Variants in VWA8 observed in about 807,000 individuals in gnomAD.
The protein encoded by VWA8 is von Willebrand factor A domain containing 8.
In VWA8, 221 loss-of-function variants were observed where a neutral mutation model predicts 241.5. The observed-to-expected ratio is 0.91, with a 90% confidence interval of 0.82 to 1.02. VWA8 has a LOEUF of 1.02. VWA8 is among the 50% of genes least tolerant of loss of function. The pLI is 0.00. For missense variants in VWA8, 2,322 were observed against 2,328.7 expected (o/e 1.00, Z 0.06); for synonymous variants, 852 against 827.1 (o/e 1.03, Z -0.52).
chr13:41,926,830 A>G, intron 2 of VWA8: 1 of 565,558 alleles, frequency 1.8e-6, no homozygotes, highest in Non-Finnish European at 3.6e-6. Flanking sequence ...TTTGAAACTG[A>G]TGAAACTTGC....
Position 41,671,114 on chromosome 13 carries a change from C to T in VWA8, c.4443G>A (p.Leu1481=). ...GTGCATCTGTGTCTGAAATGGTCGACAGCCATGTGGTATACGGCGAGAGAG... is the reference window on the plus strand; with the variant it reads ...GTGCATCTGTGTCTGAAATGGTCGATAGCCATGTGGTATACGGCGAGAGAG... ...SESLSPYTTW[L]STISDTDALL... Residue 1481 remains leucine, a synonymous_variant, in exon 37 of 45, where the codon CTG becomes CTA. Coordinates refer to ENST00000379310, the MANE Select transcript of VWA8 (RefSeq NM_015058.2). 2 of 1,613,890 alleles carry T rather than the reference C, an allele frequency of 1.2e-6. No individual in the cohort carries two copies. Among genetic ancestry groups the T allele is most frequent in the Non-Finnish European group, 1.7e-6 (2 of 1,179,830 alleles).
chr13:41,805,679 T>C (rs868857009), intron 17 of VWA8, among the ~76,000 whole-genome samples: 11 of 152,094 alleles, frequency 7.2e-5, no homozygotes, highest in Middle Eastern at 6.8e-3. Context: ...CTGGTCATGG[T>C]GGTGCACGCC....
chr13:41,642,081 A>T (rs1215273762), intron 37 of VWA8, among the ~76,000 whole-genome samples: 1 of 152,186 alleles, frequency 6.6e-6, no homozygotes, highest in Non-Finnish European at 1.5e-5. Flanking sequence ...TCACCCTATA[A>T]TAACTGGACA....
intron 15 of VWA8, 29 bp from the exon 16 acceptor site, chr13:41,816,804 A>G (rs775248037): frequency 6.5e-7 from 1 of 1,529,090 alleles, no homozygotes; most frequent in Non-Finnish European, 9.0e-7. Flanking sequence ...GAGGACAAAC[A>G]GAAGGAATAA....
At chr13:41,595,797 C>T (rs1192509396) in intron 40 of VWA8, among the ~76,000 whole-genome samples, 1 of 152,090 alleles carries the variant, frequency 6.6e-6, no homozygotes, top group Non-Finnish European at 1.5e-5. Flanking sequence ...AATAATGCCA[C>T]CATAACTGAA....
intron 43 of VWA8, among the ~76,000 whole-genome samples, chr13:41,573,211 C>G (rs1402079895): frequency 6.6e-6 from 1 of 151,328 alleles, no homozygotes; most frequent in East Asian, 1.9e-4. Context: ...AGCTCAAGAC[C>G]AGCCTGGCCA....
intron 2 of VWA8, chr13:41,926,013 G>A: frequency 2.4e-6 from 1 of 411,440 alleles, no homozygotes. Flanking sequence ...AGCTTCTGAG[G>A]GAAAGTTCAT....
intron 10 of VWA8, 24 bp from the exon 11 acceptor site, chr13:41,866,060 T>G: frequency 6.2e-7 from 1 of 1,610,452 alleles, no homozygotes; most frequent in Non-Finnish European, 8.5e-7. Flanking sequence ...GAGGTCAATA[T>G]AACATGGCCA....
intron 26 of VWA8, among the ~76,000 whole-genome samples, chr13:41,716,460 G>A (rs2045348541): frequency 6.6e-6 from 1 of 152,014 alleles, no homozygotes; most frequent in South Asian, 2.1e-4. Flanking sequence ...CACCGCTACT[G>A]AACAGACAAG....
At chr13:41,890,737 T>C (rs966547763) in intron 5 of VWA8, among the ~76,000 whole-genome samples, 7 of 152,212 alleles carry the variant, frequency 4.6e-5, no homozygotes, top group Admixed American at 1.3e-4. Context: ...GGCACTGTAT[T>C]GCATTGTAAA....
chr13:41,841,415 T>A (rs1048536016), intron 12 of VWA8, among the ~76,000 whole-genome samples: 2 of 152,170 alleles, frequency 1.3e-5, no homozygotes, highest in African/African-American at 4.8e-5. Flanking sequence ...TAAAAAAGAT[T>A]GAAATAAAAA....
chr13:41,699,657 T>A (rs1318146295), intron 28 of VWA8, among the ~76,000 whole-genome samples: 1 of 152,250 alleles, frequency 6.6e-6, no homozygotes, highest in Non-Finnish European at 1.5e-5. Flanking sequence ...AGTTGGTCAA[T>A]GTCTTCTATC....
At position 41,675,245 on chromosome 13, in the gene VWA8, G is replaced by T; in HGVS notation, c.4379C>A (p.Ser1460Ter). 1 of 1,613,140 alleles carries T rather than the reference G, an allele frequency of 6.2e-7. No individual in the cohort carries two copies. The highest frequency in any genetic ancestry group is 8.5e-7 in the Non-Finnish European group (1 of 1,179,370). Residue 1460 changes from serine to a stop codon, truncating the protein, a stop_gained, in exon 36 of 45, where the codon TCA (serine) becomes TAA (stop). Transcript: ENST00000379310. LOFTEE classifies it high-confidence loss of function. ...SGYIEVTDLQ[S>*]KKLRYIPIPR... ...AATAGGGATATATCGGAGTTTCTTT[G>T]ATTGAAGATCAGTGACTTCTATATA...
intron 10 of VWA8, 92 bp from the exon 11 acceptor site, chr13:41,866,128 A>G: frequency 6.6e-7 from 1 of 1,513,834 alleles, no homozygotes; most frequent in South Asian, 1.2e-5. Context: ...CAGGCAGATC[A>G]CTTGAGGTTA....
chr13:41,615,220 T>A, intron 37 of VWA8, 136 bp from the exon 38 acceptor site: 1 of 809,142 alleles, frequency 1.2e-6, no homozygotes, highest in Non-Finnish European at 1.9e-6. Context: ...ATAAATGCTG[T>A]GAGTATTTGG....
chr13:41,810,432 TC>T (rs751441085), intron 17 of VWA8, among the ~76,000 whole-genome samples: 7 of 152,092 alleles, frequency 4.6e-5, no homozygotes, highest in Non-Finnish European at 7.4e-5. Context: ...AGAGTACTGT[TC>T]AGCCATAAAA....
Position 41,611,577 on chromosome 13 carries a change from T to G in VWA8, c.4876A>C (p.Arg1626=), listed in dbSNP as rs988781996. Residue 1626 remains arginine, a splice_region_variant and synonymous_variant, in exon 39 of 45, where the codon AGG becomes CGG. Coordinates refer to ENST00000379310, the MANE Select transcript of VWA8 (RefSeq NM_015058.2). ...TCTAAATGTGATGGGAGCACTGACC[T>G]CTGCTGGAATGCTCTCTGGCCCATC... ...REMGQRAFQQ[R]LKEIQMSEYD... 3.7e-6 allele frequency: 6 copies of G among 1,613,830 alleles called. No individual in the cohort carries two copies. In the African/African-American group the frequency reaches 4.0e-5, roughly 11 times the overall value.
intron 16 of VWA8, among the ~76,000 whole-genome samples, chr13:41,814,229 T>C (rs1457236734): frequency 1.3e-5 from 2 of 152,126 alleles, no homozygotes; most frequent in African/African-American, 4.8e-5. Context: ...GGAGCTCAAA[T>C]AGCAACTGGG....
At chr13:41,598,995 T>C (rs1193879702) in intron 40 of VWA8, among the ~76,000 whole-genome samples, 2 of 152,122 alleles carry the variant, frequency 1.3e-5, no homozygotes, top group Non-Finnish European at 2.9e-5. Context: ...TGTTTATGAA[T>C]ATTTTTCAGT....
Sources: gnomAD v4.1 joint callset for allele counts (sites outside exome capture counted in the v4.1 genomes callset) on GRCh38, gnomAD v4.1.1 for gene constraint, MANE v1.5 for transcripts, NCBI Gene and HGNC (gene_info 2026-07-23, HGNC 2026-07-21) for gene names.